The following MBD5 variants were observed in gnomAD, a reference collection of about 807,000 sequenced individuals.
MBD5 encodes methyl-CpG binding domain protein 5.
Under a neutral mutation model 117.3 loss-of-function variants are expected in MBD5, and 13 were observed. The ratio of observed to expected loss-of-function variants is 0.11; its 90% CI spans 0.07 to 0.18. MBD5 has a LOEUF of 0.18. MBD5 is among the 10% of genes least tolerant of loss of function. MBD5 has a pLI of 1.00. For missense variants in MBD5, 1,879 were observed against 2,093.8 expected, an observed-to-expected ratio of 0.90 and a Z score of 2.00; for synonymous variants, 727 against 766.4, an observed-to-expected ratio of 0.95 and a Z score of 0.85.
At chr2:148,410,738 C>T (rs1205395135) in intron 4 of MBD5, among the ~76,000 whole-genome samples, 1 of 152,228 alleles carries the variant, frequency 6.6e-6, no homozygotes, top group Non-Finnish European at 1.5e-5. Context: ...GCATGAGCCA[C>T]TGCACCTGGC....
At chr2:148,135,458 A>T (rs554837835) in intron 1 of MBD5, among the ~76,000 whole-genome samples, 3 of 152,310 alleles carry the variant, frequency 2.0e-5, no homozygotes, top group African/African-American at 7.2e-5. Context: ...TTTTAATTTA[A>T]AAACATATTT....
intron 4 of MBD5, among the ~76,000 whole-genome samples, chr2:148,441,497 G>A: frequency 6.6e-6 from 1 of 152,196 alleles, no homozygotes; most frequent in East Asian, 1.9e-4. Flanking sequence ...TCTTAATCCA[G>A]TCTATCATTG....
chr2:148,260,965 G>T (rs1425074645), intron 3 of MBD5, among the ~76,000 whole-genome samples: 1 of 152,168 alleles, frequency 6.6e-6, no homozygotes, highest in Non-Finnish European at 1.5e-5. Flanking sequence ...CTCTTGGATG[G>T]CTAGGTGCAC....
intron 1 of MBD5, among the ~76,000 whole-genome samples, chr2:148,169,236 C>A (rs896692686): frequency 2.0e-5 from 3 of 152,012 alleles, no homozygotes; most frequent in Non-Finnish European, 4.4e-5. Flanking sequence ...TTTTTCTTCA[C>A]AATATATTAA....
intron 3 of MBD5, among the ~76,000 whole-genome samples, chr2:148,253,883 A>C (rs747281603): frequency 9.2e-5 from 14 of 152,326 alleles, no homozygotes; most frequent in South Asian, 8.3e-4. Flanking sequence ...GGTTACATAA[A>C]TGTGCGGGGT....
intron 3 of MBD5, among the ~76,000 whole-genome samples, chr2:148,237,545 C>G (rs1700117735): frequency 6.6e-6 from 1 of 152,130 alleles, no homozygotes; most frequent in African/African-American, 2.4e-5. Flanking sequence ...TAAGTGTGCT[C>G]TCTTATGTTC....
intron 3 of MBD5, among the ~76,000 whole-genome samples, chr2:148,338,767 C>A (rs1180135449): frequency 6.6e-6 from 1 of 152,108 alleles, no homozygotes; most frequent in Admixed American, 6.6e-5. Flanking sequence ...CAGGAACAGG[C>A]CTTTGTATGC....
intron 4 of MBD5, among the ~76,000 whole-genome samples, chr2:148,352,958 C>T (rs913450909): frequency 6.6e-6 from 1 of 152,026 alleles, no homozygotes; most frequent in Non-Finnish European, 1.5e-5. Flanking sequence ...TCAAAACTGT[C>T]ATGTTTCTGG....
chr2:148,302,434 G>C (rs530960752), intron 3 of MBD5, among the ~76,000 whole-genome samples: 2 of 152,246 alleles, frequency 1.3e-5, no homozygotes, highest in Admixed American at 6.5e-5. Context: ...CACAGAACAG[G>C]CTAGAGCAAT....
At chr2:148,393,755 G>A (rs1704628956) in intron 4 of MBD5, among the ~76,000 whole-genome samples, 1 of 152,104 alleles carries the variant, frequency 6.6e-6, no homozygotes, top group Non-Finnish European at 1.5e-5. Context: ...AACTTTGATA[G>A]ACACAGAAAG....
intron 4 of MBD5, among the ~76,000 whole-genome samples, chr2:148,383,501 A>T (rs1373503537): frequency 6.6e-6 from 1 of 152,172 alleles, no homozygotes; most frequent in African/African-American, 2.4e-5. Flanking sequence ...GACCAGATGG[A>T]TTCACAGTCG....
chr2:148,047,660 ATG>A (rs1694568676), intron 1 of MBD5, among the ~76,000 whole-genome samples: 1 of 152,202 alleles, frequency 6.6e-6, no homozygotes, highest in South Asian at 2.1e-4. Context: ...GGAGAAAGAC[ATG>A]TAAATAAATG....
chr2:148,464,685 G>A (rs1707201765), intron 7 of MBD5, among the ~76,000 whole-genome samples: 1 of 151,748 alleles, frequency 6.6e-6, no homozygotes, highest in Non-Finnish European at 1.5e-5. Context: ...TTGACCAGGT[G>A]CAGTGGCTCA....
intron 10 of MBD5, among the ~76,000 whole-genome samples, chr2:148,487,505 T>C (rs1681376007): frequency 6.6e-6 from 1 of 152,128 alleles, no homozygotes; most frequent in African/African-American, 2.4e-5. Context: ...TCTTCCATAG[T>C]AAAATAATTT....
chr2:148,207,854 T>C (rs568907111), intron 2 of MBD5, among the ~76,000 whole-genome samples: 1 of 152,226 alleles, frequency 6.6e-6, no homozygotes, highest in Non-Finnish European at 1.5e-5. Context: ...TTTTCATGTA[T>C]ACCAAAATAA....
chr2:148,052,538 G>A (rs1262390488), intron 1 of MBD5, among the ~76,000 whole-genome samples: 2 of 152,072 alleles, frequency 1.3e-5, no homozygotes, highest in East Asian at 3.9e-4. Context: ...GGCATTTACA[G>A]CTATAAATTT....
chr2:148,107,132 A>G (rs550495227), intron 1 of MBD5, among the ~76,000 whole-genome samples: 1 of 152,090 alleles, frequency 6.6e-6, no homozygotes, highest in Admixed American at 6.5e-5. Context: ...TCTCCAAATG[A>G]CCTTATTTCA....
At chr2:148,327,142 T>C (rs1359809995) in intron 3 of MBD5, among the ~76,000 whole-genome samples, 2 of 152,104 alleles carry the variant, frequency 1.3e-5, no homozygotes, top group Non-Finnish European at 2.9e-5. Flanking sequence ...AATTCTTTTC[T>C]TTAAGAATGT....
At chr2:148,083,031 GT>G (rs1225217644) in intron 1 of MBD5, among the ~76,000 whole-genome samples, 4 of 152,142 alleles carry the variant, frequency 2.6e-5, no homozygotes, top group African/African-American at 9.7e-5. Context: ...CAGATACTAA[GT>G]GAGAGAGGGG....
Sources: gnomAD v4.1 joint callset for allele counts (sites outside exome capture counted in the v4.1 genomes callset) on GRCh38, gnomAD v4.1.1 for gene constraint, MANE v1.5 for transcripts, NCBI Gene and HGNC (gene_info 2026-07-23, HGNC 2026-07-21) for gene names.